MSANTD1: variants seen among roughly 807,000 people sequenced by gnomAD.
MSANTD1 encodes Myb/SANT DNA binding domain containing 1.
In MSANTD1, 7 loss-of-function variants were observed where a neutral mutation model predicts 24.2. The observed-to-expected ratio is 0.29, with a 90% CI of 0.16 to 0.54. MSANTD1 has a LOEUF of 0.54. Among genes scored for constraint, MSANTD1 ranks in the 20% least tolerant of loss-of-function variants. The probability of loss-of-function intolerance (pLI) is 0.94; values close to 1 mark genes in which losing one functional copy is unlikely to be tolerated. For synonymous variants in MSANTD1, 177 were observed against 181.1 expected (o/e 0.98, Z 0.18); for missense variants, 384 against 408.2 (o/e 0.94, Z 0.51).
intron 1 of MSANTD1, among the ~76,000 whole-genome samples, chr4:3,252,674 TACTG>T (rs1722261742): frequency 6.6e-6 from 1 of 152,222 alleles, no homozygotes; most frequent in African/African-American, 2.4e-5. Context: ...GGAGATGAGA[TACTG>T]ACTCAGGGCT....
chr4:3,256,272 A>C lies in MSANTD1; in HGVS notation c.*307A>C. 1 of 254,806 alleles carries C rather than the reference A, an allele frequency of 3.9e-6. No individual in the cohort carries two copies. The highest frequency in any genetic ancestry group is 7.4e-6 in the Non-Finnish European group (1 of 134,346). 15.8% of individuals were successfully genotyped at this position (254,806 alleles called of 1,614,324 possible). ...GTGTCGTTACTATCAATGATACTTG[A>C]CGTGGCTTTGATATTAAACGTATAC... On this transcript the variant is annotated 3_prime_UTR_variant, in exon 3 of 3. Coordinates refer to ENST00000438480, the MANE Select transcript of MSANTD1 (RefSeq NM_001042690.2).
Position 3,255,721 on chromosome 4 carries a change from C to T in MSANTD1, c.597-4C>T. The T allele has an allele frequency of 2.0e-6, 3 of 1,535,736 alleles. No individual in the cohort carries two copies. Among genetic ancestry groups the T allele is most frequent in the Non-Finnish European group, 1.8e-6 (2 of 1,140,584 alleles). ...CACGTCCACAGCCGGCACTGTCCTT[C>T]CAGGTCGGAGGAGCGGCCGGTGAAG... On this transcript the variant is annotated splice_region_variant and splice_polypyrimidine_tract_variant and intron_variant, in intron 2 of 2. Coordinates refer to ENST00000438480, the MANE Select transcript of MSANTD1 (RefSeq NM_001042690.2).
At chr4:3,249,688 C>T in intron 1 of MSANTD1, 146 bp downstream of exon 1, 1 of 780,604 alleles carries the variant, frequency 1.3e-6, no homozygotes, top group South Asian at 1.8e-5. Context: ...ATGGGCAGAA[C>T]CCCACGGGGT....
At chr4:3,252,451 T>G (rs1469414781) in intron 1 of MSANTD1, among the ~76,000 whole-genome samples, 1 of 152,238 alleles carries the variant, frequency 6.6e-6, no homozygotes, top group Non-Finnish European at 1.5e-5. Flanking sequence ...CCAGGGCCTC[T>G]GGGCAGGTTG....
chr4:3,244,745 G>A (rs996136257), upstream of MSANTD1: 1 of 152,272 alleles, frequency 6.6e-6, no homozygotes, highest in Admixed American at 6.5e-5. Context: ...AATGTTTGCT[G>A]AGGTCCCGTC....
intron 1 of MSANTD1, among the ~76,000 whole-genome samples, chr4:3,252,329 C>T (rs1722252944): frequency 6.6e-6 from 1 of 152,236 alleles, no homozygotes; most frequent in African/African-American, 2.4e-5. Context: ...CAGGGGAGGC[C>T]TGGGGACTTA....
chr4:3,248,197 C>CTCCGGT (rs59194586), upstream of MSANTD1: 5 of 151,690 alleles, frequency 3.3e-5, no homozygotes, highest in Non-Finnish European at 5.9e-5. Flanking sequence ...CAGGCCACCG[C>CTCCGGT]TCCGGTTCCG....
At chr4:3,254,164 A>G (rs925700366) in intron 2 of MSANTD1, among the ~76,000 whole-genome samples, 4 of 152,178 alleles carry the variant, frequency 2.6e-5, no homozygotes, top group African/African-American at 9.7e-5. Flanking sequence ...TCAAGGTAAA[A>G]TAGAAGTTGG....
intron 2 of MSANTD1, 122 bp downstream of exon 2, chr4:3,253,604 C>T (rs377656548): frequency 1.9e-5 from 20 of 1,054,154 alleles, no homozygotes; most frequent in Admixed American, 6.1e-5. Flanking sequence ...GCCGTGGCTG[C>T]GGGCAGCGCC....
Position 3,256,064 on chromosome 4 carries a change from C to T in MSANTD1, c.*99C>T, listed in dbSNP as rs565060329. 7.4e-6 allele frequency: 10 copies of T among 1,359,056 alleles called. No homozygotes were observed. The highest frequency in any genetic ancestry group is 2.7e-4 in the Middle Eastern group (1 of 3,702). The allele number at this position is 1,359,056 out of a possible 1,614,324, so 84.2% of individuals were successfully genotyped here. ...GGCCAGGCGGGCAAGGGGGCCGCCC[C>T]GCGAGCGGAGACCGCCTTCCACCTG... On this transcript the variant is annotated 3_prime_UTR_variant, in exon 3 of 3. Coordinates refer to ENST00000438480, the MANE Select transcript of MSANTD1 (RefSeq NM_001042690.2).
At chr4:3,251,548 C>G (rs1722228887) in intron 1 of MSANTD1, among the ~76,000 whole-genome samples, 1 of 152,180 alleles carries the variant, frequency 6.6e-6, no homozygotes, top group African/African-American at 2.4e-5. Flanking sequence ...GAGGGGGAAG[C>G]TGAGGCCCAG....
intron 2 of MSANTD1, 102 bp from the exon 3 acceptor site, chr4:3,255,623 T>C (rs966199915): frequency 1.4e-6 from 2 of 1,389,358 alleles, no homozygotes; most frequent in Non-Finnish European, 1.9e-6. Flanking sequence ...GGGGCCTCAG[T>C]TTCCCCATTT....
chr4:3,253,154 G>A (rs1722280454), intron 1 of MSANTD1, 53 bp from the exon 2 acceptor site: 1 of 1,477,312 alleles, frequency 6.8e-7, no homozygotes, highest in African/African-American at 1.4e-5. Flanking sequence ...GGGCAGGACA[G>A]GGGCTGGGCC....
intron 2 of MSANTD1, 84 bp from the exon 3 acceptor site, chr4:3,255,641 A>G: frequency 7.0e-7 from 1 of 1,423,756 alleles, no homozygotes; most frequent in Non-Finnish European, 9.2e-7. Flanking sequence ...TTTGCCCAGT[A>G]GGATTGTCGG....
At chr4:3,253,830 G>A (rs571420471) in intron 2 of MSANTD1, among the ~76,000 whole-genome samples, 11 of 152,340 alleles carry the variant, frequency 7.2e-5, no homozygotes, top group African/African-American at 1.9e-4. Context: ...CCCGGCACAC[G>A]GAGGGAGACC....
intron 2 of MSANTD1, among the ~76,000 whole-genome samples, chr4:3,254,067 A>G (rs1489094829): frequency 6.6e-6 from 1 of 152,224 alleles, no homozygotes; most frequent in East Asian, 1.9e-4. Context: ...GCCGGGAGCC[A>G]GGCAGCATGC....
upstream of MSANTD1, among the ~76,000 whole-genome samples, chr4:3,246,183 G>A (rs1264190880): frequency 1.3e-5 from 2 of 152,090 alleles, no homozygotes; most frequent in South Asian, 2.1e-4. Context: ...GGGGCCCCCC[G>A]TGATTTGGGC....
At position 3,253,369 on chromosome 4, in the gene MSANTD1, G is replaced by A. The variant is rs765183366; in HGVS notation, c.483G>A (p.Ser161=). 2.9e-5 allele frequency: 47 copies of A among 1,610,858 alleles called. No individual in the cohort carries two copies. The highest frequency in any genetic ancestry group is 5.0e-5 in the Admixed American group (3 of 59,560). Residue 161 remains serine, a synonymous_variant, in exon 2 of 3, where the codon TCG becomes TCA. Coordinates refer to ENST00000438480, the MANE Select transcript of MSANTD1 (RefSeq NM_001042690.2). The part of the protein sequence containing the change: ...PSTSQTEASL[S]PPAKSTPLYF... ...CGTCCCAGACCGAGGCGTCCCTGTC[G>A]CCGCCCGCTAAGTCCACCCCTCTGT...
upstream of MSANTD1, among the ~76,000 whole-genome samples, chr4:3,247,303 C>G (rs1432114334): frequency 6.6e-6 from 1 of 152,168 alleles, no homozygotes; most frequent in South Asian, 2.1e-4. Context: ...TAGAGCTGCA[C>G]CCAGAACCAC....
Sources: gnomAD v4.1 joint callset for allele counts (sites outside exome capture counted in the v4.1 genomes callset) on GRCh38, gnomAD v4.1.1 for gene constraint, MANE v1.5 for transcripts, NCBI Gene and HGNC (gene_info 2026-07-23, HGNC 2026-07-21) for gene names.